Variants in PPM1K observed in about 807,000 individuals in gnomAD.
The protein encoded by PPM1K is protein phosphatase Mn(2+)-dependent 1K.
A neutral mutation model predicts 32.6 loss-of-function variants in PPM1K; 19 were observed. That is an observed-to-expected ratio of 0.58 (90% CI 0.41 to 0.86). PPM1K has a LOEUF of 0.86. PPM1K is among the 40% of genes least tolerant of loss of function. The pLI is 0.00. For synonymous variants in PPM1K, 159 were observed against 165.3 expected (o/e 0.96, Z 0.29); for missense variants, 362 against 461.2 (o/e 0.78, Z 1.97).
At chr4:88,270,977 T>C in intron 3 of PPM1K, 1 of 385,538 alleles carries the variant, frequency 2.6e-6, no homozygotes, top group South Asian at 2.0e-5. Flanking sequence ...TAAGACATCT[T>C]TCAATAAGTT....
intron 3 of PPM1K, chr4:88,270,967 T>A: frequency 2.7e-6 from 1 of 366,210 alleles, no homozygotes; most frequent in Non-Finnish European, 5.4e-6. Context: ...ACTAGAAAAC[T>A]AAGACATCTT....
intron 3 of PPM1K, chr4:88,275,969 G>C (rs1193900568): frequency 1.0e-6 from 1 of 985,238 alleles, no homozygotes; most frequent in Non-Finnish European, 1.2e-6. Context: ...CTACAAACTG[G>C]AAAACATATC....
chr4:88,257,991 T>C lies in PPM1K; in HGVS notation c.*4604A>G, dbSNP rs1378412764. ...ATCTAACAACCAATGGGAGAGTCAA[T>C]TGTTCTCATCCCAACTGCCAAAAGC... On this transcript the variant is annotated 3_prime_UTR_variant, in exon 7 of 7. Transcript: ENST00000608933. 6.6e-6 allele frequency: 1 copy of C among 152,226 alleles called. No homozygotes were observed. The highest frequency in any genetic ancestry group is 1.5e-5 in the Non-Finnish European group (1 of 68,044). 9.4% of individuals were successfully genotyped at this position (152,226 alleles called of 1,614,324 possible). A position where few individuals can be genotyped will look rare whatever the true frequency, so the allele number is the denominator to read the frequency against.
At position 88,258,753 on chromosome 4, in the gene PPM1K, C is replaced by G. The variant is rs1452577618; in HGVS notation, c.*3842G>C. 2 of 152,018 alleles carry G rather than the reference C, an allele frequency of 1.3e-5. No individual in the cohort carries two copies. The highest frequency in any genetic ancestry group is 1.3e-4 in the Admixed American group (2 of 15,250). The allele number at this position is 152,018 out of a possible 1,614,324, so 9.4% of individuals were successfully genotyped here. A position where few individuals can be genotyped will look rare whatever the true frequency, so the allele number is the denominator to read the frequency against. The stretch of plus-strand genomic sequence containing the variant: ...ATGGATCCCTCCAAAATGGACATCC[C>G]CCCAGAAAAATGCTTATAACTTTGA... On this transcript the variant is annotated 3_prime_UTR_variant, in exon 7 of 7. Transcript: ENST00000608933.
rs181196578 is a variant in PPM1K at position 88,268,577 on chromosome 4, C to T, written c.707+164G>A. On this transcript the variant is annotated intron_variant, in intron 4 of 6. Coordinates refer to ENST00000608933, the MANE Select transcript of PPM1K (RefSeq NM_152542.5). Reference sequence around the variant, plus strand: ...TGGAGCTTGCAGTGAGCCAAGATTGCGCCACTGCACTCCAGCCTGGGCGAC... The same window carrying T: ...TGGAGCTTGCAGTGAGCCAAGATTGTGCCACTGCACTCCAGCCTGGGCGAC... Among the ~76,000 whole-genome samples the T allele has an allele frequency of 8.2e-4, 125 of 152,164 alleles. 1 individual carries two copies. The highest frequency in any genetic ancestry group is 1.4e-3 in the African/African-American group (60 of 41,510).
In PPM1K at chr4:88,278,297, C is replaced by T. The variant is rs1168578032; in HGVS notation, c.287G>A (p.Gly96Glu). 5 of 1,614,146 alleles carry T rather than the reference C, an allele frequency of 3.1e-6. No individual in the cohort carries two copies. Among genetic ancestry groups the T allele is most frequent in the Non-Finnish European group, 4.2e-6 (5 of 1,180,048 alleles). ...CCGTTTGCCAATCTGTGAGGCGCACCCCACATTTTCCAAGCTGATTTTGGG... is the reference window on the plus strand; with the variant it reads ...CCGTTTGCCAATCTGTGAGGCGCACTCCACATTTTCCAAGCTGATTTTGGG... ...PIPKISLENV[G>E]CASQIGKRKE... The change falls in exon 2 of 7, where the codon GGG (glycine) becomes GAG (glutamate). Residue 96 changes from glycine to glutamate, a missense_variant. Coordinates refer to ENST00000608933, the MANE Select transcript of PPM1K (RefSeq NM_152542.5). The surrounding 1 kb of genome is among the most constrained non-coding windows in gnomAD (Gnocchi z 4.2).
At chr4:88,271,161 G>C (rs1331369867) in intron 3 of PPM1K, 2 of 515,590 alleles carry the variant, frequency 3.9e-6, no homozygotes, top group South Asian at 2.8e-5. Flanking sequence ...CGGGCTCCAG[G>C]TCTAGAGCTG....
At position 88,278,684 on chromosome 4, in the gene PPM1K, G is replaced by A; in HGVS notation, c.-59-42C>T. Reference sequence around the variant, plus strand: ...GCAAGTCACAGGGGACAGAGGGAGAGAGGGGCAGAGGAGGAGAGGGAGAGA... The same window carrying A: ...GCAAGTCACAGGGGACAGAGGGAGAAAGGGGCAGAGGAGGAGAGGGAGAGA... On this transcript the variant is annotated intron_variant, in intron 1 of 6. Coordinates refer to ENST00000608933, the MANE Select transcript of PPM1K (RefSeq NM_152542.5). This position sits in a 1 kb window ranked among gnomAD's most constrained non-coding sequence, Gnocchi z 4.2. 2.2e-6 allele frequency: 2 copies of A among 907,890 alleles called. No homozygotes were observed. The highest frequency in any genetic ancestry group is 3.3e-6 in the Non-Finnish European group (2 of 605,192). 56.2% of individuals were successfully genotyped at this position (907,890 alleles called of 1,614,324 possible).
intron 1 of PPM1K, chr4:88,283,656 C>T (rs1005051518): frequency 6.6e-6 from 1 of 152,278 alleles, no homozygotes; most frequent in African/African-American, 2.4e-5. Flanking sequence ...AAAGACATCA[C>T]CAGCTACAAC....
At chr4:88,276,442 T>A in intron 3 of PPM1K, 2 of 985,460 alleles carry the variant, frequency 2.0e-6, no homozygotes, top group South Asian at 9.4e-5. Flanking sequence ...AGAAAACGTT[T>A]GCTGAATTTT....
chr4:88,279,801 C>T (rs1731937581), intron 1 of PPM1K: 1 of 152,140 alleles, frequency 6.6e-6, no homozygotes, highest in Admixed American at 6.5e-5. Context: ...TGGCAGAATA[C>T]TAAGGTTTGA....
At position 88,262,713 on chromosome 4, in the gene PPM1K, C is replaced by T. The variant is rs751018132; in HGVS notation, c.1001G>A (p.Gly334Asp). 6.2e-7 allele frequency: 1 copy of T among 1,613,452 alleles called. No homozygotes were observed. Among genetic ancestry groups the T allele is most frequent in the Non-Finnish European group, 8.5e-7 (1 of 1,179,754 alleles). The change falls in exon 7 of 7, where the codon GGT becomes GAT. Residue 334 changes from glycine to aspartate, a missense_variant. Transcript: ENST00000608933. Reference protein sequence around the residue: ...HAVTEQAIQYGTEDNSTAVVV... With the variant: ...HAVTEQAIQYDTEDNSTAVVV... ...TACTGCAGTACTGTTATCCTCAGTA[C>T]CGTACTGTATTGCCTGCAAGGTTTG... is the stretch of plus-strand genomic sequence containing the variant.
chr4:88,273,982 C>T (rs570927510), intron 3 of PPM1K, among the ~76,000 whole-genome samples: 1 of 152,174 alleles, frequency 6.6e-6, no homozygotes, highest in Admixed American at 6.5e-5. Context: ...TCCATAAAGC[C>T]TCCTGCACTT....
At chr4:88,268,620 C>CA (rs1349730410) in intron 4 of PPM1K, 121 bp downstream of exon 4, 5 of 1,136,018 alleles carry the variant, frequency 4.4e-6, no homozygotes, top group South Asian at 1.5e-5. Context: ...GACTCTGTCT[C>CA]AAAAAAACAA....
In PPM1K at chr4:88,261,669, T is replaced by C. The variant is rs1731117474; in HGVS notation, c.*926A>G. On this transcript the variant is annotated 3_prime_UTR_variant, in exon 7 of 7. Coordinates refer to ENST00000608933, the MANE Select transcript of PPM1K (RefSeq NM_152542.5). ...ATGTATACAATTTAGTAATGTCACA[T>C]CATCTGAATTAATTTCTTTTCTTTC... is the stretch of plus-strand genomic sequence containing the variant. 6.6e-6 allele frequency: 1 copy of C among 151,380 alleles called. No homozygotes were observed. Among genetic ancestry groups the C allele is most frequent in the Non-Finnish European group, 1.5e-5 (1 of 67,858 alleles). 9.4% of individuals were successfully genotyped at this position (151,380 alleles called of 1,614,324 possible). A position where few individuals can be genotyped will look rare whatever the true frequency, so the allele number is the denominator to read the frequency against.
At chr4:88,270,847 G>A (rs1731531091) in intron 3 of PPM1K, among the ~76,000 whole-genome samples, 1 of 152,172 alleles carries the variant, frequency 6.6e-6, no homozygotes. Context: ...AAAACTAACT[G>A]TCAATTCTGA....
At chr4:88,277,774 A>C (rs1731841574) in intron 2 of PPM1K, 1 of 243,778 alleles carries the variant, frequency 4.1e-6, no homozygotes, top group African/African-American at 2.3e-5. Context: ...CAGGTATTCA[A>C]AGCTATTCAC....
intron 5 of PPM1K, 70 bp from the exon 6 acceptor site, chr4:88,265,205 G>A: frequency 6.3e-7 from 1 of 1,575,218 alleles, no homozygotes; most frequent in Non-Finnish European, 8.7e-7. Context: ...CTAATTCAAA[G>A]ATTTTACCTG....
chr4:88,276,988 A>G, intron 3 of PPM1K, 155 bp downstream of exon 3: 1 of 687,828 alleles, frequency 1.5e-6, no homozygotes, highest in Non-Finnish European at 2.4e-6. Flanking sequence ...ACAGCATTTA[A>G]TGTGATTCTT....
Sources: gnomAD v4.1 joint callset for allele counts (sites outside exome capture counted in the v4.1 genomes callset) on GRCh38, gnomAD v4.1.1 for gene constraint, Gnocchi (gnomAD v3.1) non-coding constraint, MANE v1.5 for transcripts, NCBI Gene and HGNC (gene_info 2026-07-23, HGNC 2026-07-21) for gene names.